The following PRKG1 variants were observed in gnomAD, a reference collection of about 807,000 sequenced individuals.
The protein encoded by PRKG1 is cGMP-dependent protein kinase 1.
In PRKG1, 35 loss-of-function variants were observed where a neutral mutation model predicts 88.1. That is an observed-to-expected ratio of 0.40 (90% CI 0.30 to 0.53). PRKG1 has a LOEUF of 0.53. Ranked by LOEUF, PRKG1 falls within the 20% of genes least tolerant of loss-of-function variation. The probability of loss-of-function intolerance (pLI) is 0.59; values close to 1 mark genes in which losing one functional copy is unlikely to be tolerated. For missense variants in PRKG1, 540 were observed against 839.8 expected, an observed-to-expected ratio of 0.64 and a Z score of 4.41; for synonymous variants, 303 against 292.5, an observed-to-expected ratio of 1.04 and a Z score of -0.37.
intron 4 of PRKG1, among the ~76,000 whole-genome samples, chr10:51,902,447 T>C (rs1842000745): frequency 6.6e-6 from 1 of 152,172 alleles, no homozygotes; most frequent in Non-Finnish European, 1.5e-5. Flanking sequence ...TCTTAATAAG[T>C]ACTATACACT....
intron 5 of PRKG1, among the ~76,000 whole-genome samples, chr10:51,986,019 G>A (rs1158773851): frequency 6.6e-6 from 1 of 152,066 alleles, no homozygotes; most frequent in Non-Finnish European, 1.5e-5. Context: ...TACACTATAG[G>A]GTATTTGTCA....
chr10:51,821,455 T>A (rs1839743456), intron 4 of PRKG1, among the ~76,000 whole-genome samples: 1 of 152,134 alleles, frequency 6.6e-6, no homozygotes, highest in Non-Finnish European at 1.5e-5. Context: ...AACTAATTTA[T>A]GCTCCTAAAA....
chr10:51,824,015 A>G (rs1302526082), intron 4 of PRKG1, among the ~76,000 whole-genome samples: 1 of 151,948 alleles, frequency 6.6e-6, no homozygotes, highest in Non-Finnish European at 1.5e-5. Flanking sequence ...CTAGGACTAC[A>G]TGTGTGCACC....
chr10:51,457,478 C>T (rs902378282), intron 2 of PRKG1, among the ~76,000 whole-genome samples: 24 of 152,206 alleles, frequency 1.6e-4, no homozygotes, highest in Admixed American at 5.9e-4. Context: ...ATGCAGTGTA[C>T]GCTGCTCAGG....
intron 3 of PRKG1, among the ~76,000 whole-genome samples, chr10:51,758,565 G>C (rs890103126): frequency 6.6e-6 from 1 of 152,046 alleles, no homozygotes; most frequent in Non-Finnish European, 1.5e-5. Flanking sequence ...AACTAGTCTT[G>C]GTTTTTATTC....
intron 3 of PRKG1, among the ~76,000 whole-genome samples, chr10:51,588,122 T>G (rs530481826): frequency 1.1e-3 from 174 of 152,290 alleles, no homozygotes; most frequent in Non-Finnish European, 2.0e-3. Context: ...TTATCAGAGA[T>G]TAGAACATGC....
At chr10:51,123,610 C>T (rs567967741) in intron 1 of PRKG1, among the ~76,000 whole-genome samples, 6 of 150,970 alleles carry the variant, frequency 4.0e-5, no homozygotes, top group African/African-American at 9.8e-5. Context: ...CACTTCCACC[C>T]GGGAGGTGGA....
chr10:51,047,089 T>G (rs1464705511), intron 1 of PRKG1, among the ~76,000 whole-genome samples: 3 of 152,256 alleles, frequency 2.0e-5, no homozygotes, highest in African/African-American at 7.2e-5. Context: ...ATACACGTTT[T>G]TCTCACGTGC....
chr10:51,832,978 G>A (rs1361513404), intron 4 of PRKG1, among the ~76,000 whole-genome samples: 1 of 152,066 alleles, frequency 6.6e-6, no homozygotes, highest in African/African-American at 2.4e-5. Flanking sequence ...GGTTAATGTC[G>A]ATTACAGGGA....
chr10:51,798,726 T>C (rs1839084336), intron 3 of PRKG1, among the ~76,000 whole-genome samples: 2 of 152,102 alleles, frequency 1.3e-5, no homozygotes, highest in East Asian at 3.9e-4. Flanking sequence ...ACTTTGAAGA[T>C]AATAGTTTTA....
chr10:51,313,271 T>G (rs545421970), intron 2 of PRKG1, among the ~76,000 whole-genome samples: 3 of 152,044 alleles, frequency 2.0e-5, no homozygotes, highest in Non-Finnish European at 4.4e-5. Context: ...AAGAGAGAGG[T>G]GAGCGTACTG....
chr10:51,431,340 T>C (rs995930883), intron 2 of PRKG1, among the ~76,000 whole-genome samples: 1 of 152,112 alleles, frequency 6.6e-6, no homozygotes, highest in African/African-American at 2.4e-5. Flanking sequence ...GATGTGCCAG[T>C]TTGGTCAAGT....
intron 9 of PRKG1, among the ~76,000 whole-genome samples, chr10:52,238,876 G>A (rs1215211865): frequency 5.6e-4 from 84 of 148,692 alleles, no homozygotes; most frequent in Non-Finnish European, 9.8e-4. Context: ...GCACACATAT[G>A]TTTATTGCGG....
chr10:51,564,055 G>A (rs1367842100), intron 3 of PRKG1, among the ~76,000 whole-genome samples: 3 of 151,934 alleles, frequency 2.0e-5, no homozygotes, highest in African/African-American at 7.2e-5. Flanking sequence ...GAGAATCAGG[G>A]GCATCATTTT....
intron 2 of PRKG1, among the ~76,000 whole-genome samples, chr10:51,283,701 A>G (rs1271614408): frequency 1.3e-5 from 2 of 152,178 alleles, no homozygotes; most frequent in Non-Finnish European, 2.9e-5. Flanking sequence ...AAAGATCTTG[A>G]TGGTGTCCAC....
intron 2 of PRKG1, among the ~76,000 whole-genome samples, chr10:51,284,536 T>C (rs1840383788): frequency 6.6e-6 from 1 of 152,248 alleles, no homozygotes; most frequent in East Asian, 1.9e-4. Context: ...ATACATGTAT[T>C]GTCAATGCTT....
At chr10:52,281,984 G>A (rs1364303757) in intron 13 of PRKG1, among the ~76,000 whole-genome samples, 169 bp from the exon 14 acceptor site, 1 of 152,098 alleles carries the variant, frequency 6.6e-6, no homozygotes, top group Non-Finnish European at 1.5e-5. Context: ...AAACTGAGGT[G>A]CATCAGGGAG....
chr10:51,271,409 T>A (rs750620167), intron 2 of PRKG1, among the ~76,000 whole-genome samples: 10 of 152,150 alleles, frequency 6.6e-5, no homozygotes, highest in Non-Finnish European at 1.0e-4. Flanking sequence ...TGGGTTTGCT[T>A]ACGGAAAATC....
intron 2 of PRKG1, among the ~76,000 whole-genome samples, chr10:51,199,986 T>C (rs1450780868): frequency 6.6e-6 from 1 of 152,076 alleles, no homozygotes; most frequent in Non-Finnish European, 1.5e-5. Flanking sequence ...ACAATATAAG[T>C]CGGGTAAAAG....
Sources: allele counts gnomAD v4.1 joint callset (sites outside exome capture counted in the v4.1 genomes callset), GRCh38; gene constraint gnomAD v4.1.1; transcripts MANE v1.5; gene names NCBI Gene and HGNC (gene_info 2026-07-23, HGNC 2026-07-21).